The following CUX1 variants were observed in gnomAD, a reference collection of about 807,000 sequenced individuals.
CUX1 encodes the protein protein CASP.
A neutral mutation model predicts 158.8 loss-of-function variants in CUX1; 31 were observed. The observed-to-expected ratio is 0.20, with a 90% CI of 0.15 to 0.26. The LOEUF is 0.26. Ranked by LOEUF, CUX1 falls within the 10% of genes least tolerant of loss-of-function variation. The pLI is 1.00. For synonymous variants in CUX1, 879 were observed against 862.1 expected (o/e 1.02, Z -0.34); for missense variants, 1,589 against 2,014.6 (o/e 0.79, Z 4.04).
At chr7:102,093,648 C>T (rs1362013226) in intron 4 of CUX1, among the ~76,000 whole-genome samples, 2 of 152,152 alleles carry the variant, frequency 1.3e-5, no homozygotes, top group African/African-American at 2.4e-5. Flanking sequence ...GATAATATTG[C>T]GTGCACTTAG....
chr7:102,011,770 T>C (rs535415527), intron 2 of CUX1, among the ~76,000 whole-genome samples: 1 of 152,278 alleles, frequency 6.6e-6, no homozygotes, highest in East Asian at 1.9e-4. Context: ...GGTACACCCC[T>C]CTCATTTTCG....
chr7:101,867,307 G>A (rs537237537), intron 1 of CUX1, among the ~76,000 whole-genome samples: 17 of 152,310 alleles, frequency 1.1e-4, no homozygotes, highest in Middle Eastern at 3.4e-3. Context: ...TGGAGTAAGT[G>A]TTGATCAGCG....
chr7:101,944,378 G>A (rs534180734), intron 2 of CUX1, among the ~76,000 whole-genome samples: 2 of 152,346 alleles, frequency 1.3e-5, no homozygotes, highest in South Asian at 2.1e-4. Context: ...CAACATCAGC[G>A]TTGTGCTCTG....
chr7:102,045,223 C>A (rs1351168745), intron 3 of CUX1, among the ~76,000 whole-genome samples: 1 of 152,238 alleles, frequency 6.6e-6, no homozygotes, highest in Admixed American at 6.5e-5. Flanking sequence ...TTTGGTTCTG[C>A]TCATGCAGAA....
chr7:102,041,707 C>T lies in CUX1; in HGVS notation c.189+13562C>T, dbSNP rs1327853205. On this transcript the variant is annotated intron_variant, in intron 3 of 23. Coordinates refer to ENST00000292535, the MANE Select transcript of CUX1 (RefSeq NM_181552.4). ...TTTTTGAGATGGAGTCTTGTTCTGT[C>T]ACCCAGGCTGGAGTGCAGTGGATGA... Among the ~76,000 whole-genome samples the T allele has an allele frequency of 4.1e-5, 5 of 122,416 alleles. No homozygotes were observed. The South Asian group carries it at 7.7e-4, about 19-fold the overall frequency. 80.3% of individuals were successfully genotyped at this position (122,416 alleles called of 152,430 possible).
downstream of CUX1, among the ~76,000 whole-genome samples, chr7:102,261,408 C>T (rs189759449): frequency 6.6e-6 from 1 of 152,222 alleles, no homozygotes; most frequent in East Asian, 1.9e-4. Context: ...GCAGGAGAAT[C>T]ACTTGAACCC....
intron 1 of CUX1, among the ~76,000 whole-genome samples, chr7:101,858,517 G>A (rs1037278887): frequency 3.9e-5 from 6 of 152,086 alleles, no homozygotes; most frequent in African/African-American, 1.2e-4. Flanking sequence ...CCTCTCACCC[G>A]AAAGAATGTT....
At chr7:102,203,001 C>CT (rs1444422205) in intron 18 of CUX1, among the ~76,000 whole-genome samples, 2 of 152,210 alleles carry the variant, frequency 1.3e-5, no homozygotes, top group Non-Finnish European at 2.9e-5. Flanking sequence ...GCGTCTCACT[C>CT]TGTCGCCCAT....
intron 2 of CUX1, among the ~76,000 whole-genome samples, chr7:101,945,967 A>G (rs137975018): frequency 2.6e-5 from 4 of 152,304 alleles, no homozygotes; most frequent in Non-Finnish European, 2.9e-5. Context: ...AATGAGTTCT[A>G]TGCACTTCCA....
chr7:101,906,480 A>G (rs1032067978), intron 1 of CUX1, among the ~76,000 whole-genome samples: 1 of 151,882 alleles, frequency 6.6e-6, no homozygotes, highest in Admixed American at 6.6e-5. Flanking sequence ...ACACTAGGGG[A>G]ACGTCAGCAT....
intron 16 of CUX1, 69 bp downstream of exon 16, chr7:102,198,936 T>C: frequency 7.0e-7 from 1 of 1,433,172 alleles, no homozygotes; most frequent in South Asian, 1.1e-5. Flanking sequence ...TAGCTGTGTA[T>C]TTGGGTTAAA....
intron 22 of CUX1, among the ~76,000 whole-genome samples, chr7:102,238,634 G>T (rs2132484442): frequency 6.6e-6 from 1 of 152,176 alleles, no homozygotes; most frequent in South Asian, 2.1e-4. Context: ...CTCGGTACCT[G>T]GGTGGCTTGC....
At chr7:102,041,253 A>ATCCTT (rs1411639210) in intron 3 of CUX1, among the ~76,000 whole-genome samples, 4 of 66,066 alleles carry the variant, frequency 6.1e-5, no homozygotes, top group African/African-American at 2.3e-4. Context: ...CCTCTTATCC[A>ATCCTT]TTCTTTTTTT....
chr7:101,883,558 C>A lies in CUX1; in HGVS notation c.31-32557C>A, dbSNP rs1799928179. On this transcript the variant is annotated intron_variant, in intron 1 of 23. Transcript: ENST00000292535. ...CCTGGCCATGGATCATGCAATTGAT[C>A]TATAGTTATTTTTTTTTCTTTTTCT... Among the ~76,000 whole-genome samples, 3 of 151,236 alleles carry A rather than the reference C, an allele frequency of 2.0e-5. No individual in the cohort carries two copies. The South Asian group carries it at 6.3e-4, about 32-fold the overall frequency.
At chr7:101,974,365 T>G (rs1291165751) in intron 2 of CUX1, among the ~76,000 whole-genome samples, 1 of 152,190 alleles carries the variant, frequency 6.6e-6, no homozygotes, top group African/African-American at 2.4e-5. Context: ...TCATAGATTA[T>G]CAGGAAGCGA....
chr7:102,116,615 G>T (rs1010188140), intron 8 of CUX1, among the ~76,000 whole-genome samples: 9 of 152,168 alleles, frequency 5.9e-5, no homozygotes, highest in Middle Eastern at 3.4e-3. Flanking sequence ...GTGCACTCCA[G>T]CCTGGGCAAC....
At chr7:102,074,352 G>T (rs1826463854) in intron 4 of CUX1, among the ~76,000 whole-genome samples, 1 of 152,226 alleles carries the variant, frequency 6.6e-6, no homozygotes, top group African/African-American at 2.4e-5. Flanking sequence ...ATCACAGGGA[G>T]AGCCGCCAAG....
chr7:102,190,579 T>A (rs1450871437), intron 12 of CUX1, among the ~76,000 whole-genome samples: 1 of 152,124 alleles, frequency 6.6e-6, no homozygotes, highest in Non-Finnish European at 1.5e-5. Context: ...CGTCAGCCAT[T>A]CCAAGCCTTC....
intron 1 of CUX1, among the ~76,000 whole-genome samples, chr7:101,891,330 C>T (rs892869339): frequency 2.0e-5 from 3 of 152,140 alleles, no homozygotes; most frequent in Non-Finnish European, 4.4e-5. Flanking sequence ...GCAATCCTCA[C>T]GCCTCAGACT....
Sources: allele counts gnomAD v4.1 joint callset (sites outside exome capture counted in the v4.1 genomes callset), GRCh38; gene constraint gnomAD v4.1.1; transcripts MANE v1.5; gene names NCBI Gene and HGNC (gene_info 2026-07-23, HGNC 2026-07-21).